PCDHGA8: variants seen among roughly 807,000 people sequenced by gnomAD.
PCDHGA8 encodes the protein protocadherin gamma subfamily A, 8.
PCDHGA8 carries 45 observed loss-of-function variants against 59.2 expected under a neutral mutation model. That is an observed-to-expected ratio of 0.76 (90% CI 0.60 to 0.98). The LOEUF is 0.98. Ranked by LOEUF, PCDHGA8 falls within the 50% of genes least tolerant of loss-of-function variation. The pLI is 0.00. For synonymous variants in PCDHGA8, 531 were observed against 519.0 expected, an observed-to-expected ratio of 1.02 and a Z score of -0.32; for missense variants, 1,257 against 1,196.2, an observed-to-expected ratio of 1.05 and a Z score of -0.75.
chr5:141,467,057 T>TG, intron 1 of PCDHGA8, among the ~76,000 whole-genome samples: 1 of 144,752 alleles, frequency 6.9e-6, no homozygotes, highest in Non-Finnish European at 1.5e-5. Context: ...AATGTTTTCT[T>TG]TTTTTTTTTT....
chr5:141,403,181 C>G (rs1182793881), intron 1 of PCDHGA8: 2 of 1,614,006 alleles, frequency 1.2e-6, no homozygotes, highest in Non-Finnish European at 1.7e-6. Context: ...GCTTTTCTCT[C>G]TGAACCCGCG....
intron 1 of PCDHGA8, among the ~76,000 whole-genome samples, chr5:141,401,116 G>A (rs763920346): frequency 1.3e-5 from 2 of 152,036 alleles, no homozygotes; most frequent in African/African-American, 2.4e-5. Flanking sequence ...GGCCGAGGCG[G>A]TTGGATCACA....
intron 1 of PCDHGA8, chr5:141,414,538 A>C: frequency 1.2e-6 from 2 of 1,613,882 alleles, no homozygotes; most frequent in Non-Finnish European, 1.7e-6. Flanking sequence ...CAACCCACCT[A>C]CCTTCTCTCA....
At chr5:141,400,250 C>T (rs2093990136) in intron 1 of PCDHGA8, 1 of 1,614,066 alleles carries the variant, frequency 6.2e-7, no homozygotes, top group Non-Finnish European at 8.5e-7. Flanking sequence ...CTGGCCGTTG[C>T]CTTGCGCCTG....
chr5:141,506,847 T>C lies in PCDHGA8; in HGVS notation c.2572+1366T>C, dbSNP rs146737657. ...GAACTGATAGCCCTGCCCTCCAGCA[T>C]GTCTGGAGGACTGGTGGGTAGAGAA... On this transcript the variant is annotated intron_variant, in intron 3 of 3. Coordinates refer to ENST00000398604, the MANE Select transcript of PCDHGA8 (RefSeq NM_032088.2). 3.7e-3 allele frequency among the ~76,000 whole-genome samples: 564 copies of C among 152,318 alleles called. 5 individuals are homozygous for C. Among genetic ancestry groups the C allele is most frequent in the Admixed American group, 0.011 (164 of 15,302 alleles).
rs1562144438 is a variant in PCDHGA8, at chr5:141,491,135, G to T, written c.2425-3672G>T. The T allele has an allele frequency of 6.2e-7, 1 of 1,613,986 alleles. No individual in the cohort carries two copies. Among genetic ancestry groups the T allele is most frequent in the Non-Finnish European group, 8.5e-7 (1 of 1,180,000 alleles). On this transcript the variant is annotated intron_variant, in intron 1 of 3. Transcript: ENST00000398604. This position sits in a 1 kb window ranked among gnomAD's most constrained non-coding sequence, Gnocchi z 6.9. ...CACACTGGTGAGGTGCGCACAGCCC[G>T]GGCCTTACTGGAGGATGACTCTGAC...
intron 1 of PCDHGA8, among the ~76,000 whole-genome samples, chr5:141,469,172 A>C (rs1310781965): frequency 6.6e-6 from 1 of 152,050 alleles, no homozygotes; most frequent in Admixed American, 6.6e-5. Context: ...GCTACTTGGG[A>C]GGCTGAGGCA....
chr5:141,490,804 T>C lies in PCDHGA8; in HGVS notation c.2425-4003T>C. On this transcript the variant is annotated intron_variant, in intron 1 of 3. Coordinates refer to ENST00000398604, the MANE Select transcript of PCDHGA8 (RefSeq NM_032088.2). This position sits in a 1 kb window ranked among gnomAD's most constrained non-coding sequence, Gnocchi z 5.4. The stretch of plus-strand genomic sequence containing the variant: ...TGGACGGATCTTTGCCCAGCGTACC[T>C]TTGACTATGAATTGCTGCAGATGCT... 2 of 1,613,854 alleles carry C rather than the reference T, an allele frequency of 1.2e-6. No homozygotes were observed. Among genetic ancestry groups the C allele is most frequent in the Non-Finnish European group, 1.7e-6 (2 of 1,179,816 alleles).
At chr5:141,426,667 A>G in intron 1 of PCDHGA8, 2 of 430,860 alleles carry the variant, frequency 4.6e-6, no homozygotes, top group Non-Finnish European at 9.5e-6. Context: ...ATAAATGATA[A>G]CCCACCTCAT....
intron 1 of PCDHGA8, chr5:141,404,124 C>G: frequency 1.2e-6 from 2 of 1,613,272 alleles, no homozygotes; most frequent in Non-Finnish European, 1.7e-6. Flanking sequence ...GAGAATCTAT[C>G]TTTTACATTA....
intron 1 of PCDHGA8, chr5:141,395,547 TGTGTGTGTGTGTG>T (rs2093269474): frequency 0.024 from 4,142 of 174,004 alleles, 329 homozygotes; most frequent in East Asian, 0.047. Flanking sequence ...ATTGTTTGTG[TGTGTGTGTGTGTG>T]TGTGTGTGTG....
intron 1 of PCDHGA8, chr5:141,428,187 C>T: frequency 1.4e-6 from 2 of 1,439,502 alleles, no homozygotes; most frequent in Non-Finnish European, 1.9e-6. Context: ...GGACAGCCGC[C>T]GCTCTCTGCG....
At chr5:141,415,386 A>G (rs1383734863) in intron 1 of PCDHGA8, 9 of 1,614,156 alleles carry the variant, frequency 5.6e-6, no homozygotes, top group Non-Finnish European at 7.6e-6. Flanking sequence ...GCGGCTTGAC[A>G]GGTGTGTCCG....
chr5:141,404,764 C>T (rs371618979), intron 1 of PCDHGA8: 1 of 1,613,802 alleles, frequency 6.2e-7, no homozygotes, highest in Non-Finnish European at 8.5e-7. Context: ...ATGCTTGGCT[C>T]TCCTACCGCC....
chr5:141,462,852 T>C (rs1334709435), intron 1 of PCDHGA8, among the ~76,000 whole-genome samples: 1 of 152,202 alleles, frequency 6.6e-6, no homozygotes. Flanking sequence ...TTTTGAGTGT[T>C]TGGATTTTGT....
intron 1 of PCDHGA8, chr5:141,484,980 A>C (rs1387732109): frequency 1.7e-6 from 1 of 593,836 alleles, no homozygotes; most frequent in Admixed American, 3.1e-5. Flanking sequence ...CTGTCTGCCA[A>C]TCGGGTGGTG....
chr5:141,502,615 A>G (rs2099815317), intron 2 of PCDHGA8, among the ~76,000 whole-genome samples: 1 of 152,218 alleles, frequency 6.6e-6, no homozygotes, highest in Non-Finnish European at 1.5e-5. Context: ...TTGTGAAAAT[A>G]TAAGTAATCT....
intron 1 of PCDHGA8, among the ~76,000 whole-genome samples, chr5:141,407,392 A>G (rs1427023659): frequency 6.6e-6 from 1 of 152,226 alleles, no homozygotes; most frequent in Non-Finnish European, 1.5e-5. Flanking sequence ...ATGTCATGGT[A>G]GGTAGTTACT....
intron 1 of PCDHGA8, among the ~76,000 whole-genome samples, chr5:141,484,030 T>G (rs1290301073): frequency 6.6e-6 from 1 of 151,022 alleles, no homozygotes; most frequent in African/African-American, 2.4e-5. Flanking sequence ...TGAGATCAAG[T>G]CTCCAGCTCC....
Sources: allele counts gnomAD v4.1 joint callset (sites outside exome capture counted in the v4.1 genomes callset), GRCh38; gene constraint gnomAD v4.1.1; non-coding constraint Gnocchi (gnomAD v3.1); transcripts MANE v1.5; gene names NCBI Gene and HGNC (gene_info 2026-07-23, HGNC 2026-07-21).